FAM114A2: variants seen among roughly 807,000 people sequenced by gnomAD.
The protein encoded by FAM114A2 is family with sequence similarity 114 member A2, also known as protein FAM114A2.
In FAM114A2, 53 loss-of-function variants were observed where a neutral mutation model predicts 58.4. That is an observed-to-expected ratio of 0.91 (90% CI 0.73 to 1.14). FAM114A2 has a LOEUF of 1.14. Ranked by LOEUF, FAM114A2 falls within the 50% of genes most tolerant of loss-of-function variation. The probability of loss-of-function intolerance (pLI) is 0.00; values close to 1 mark genes in which losing one functional copy is unlikely to be tolerated. For synonymous variants in FAM114A2, 228 were observed against 211.4 expected (o/e 1.08, Z -0.68); for missense variants, 601 against 581.1 (o/e 1.03, Z -0.35).
chr5:154,028,312 CAAT>C (rs765355725), intron 5 of FAM114A2, 29 bp from the exon 6 acceptor site: 6 of 1,476,750 alleles, frequency 4.1e-6, no homozygotes, highest in Non-Finnish European at 5.5e-6. Context: ...CTCATTACAA[CAAT>C]ATTAAGAAAA....
chr5:154,027,052 G>A (rs774463024), intron 7 of FAM114A2, 124 bp downstream of exon 7: 38 of 701,818 alleles, frequency 5.4e-5, no homozygotes, highest in African/African-American at 2.5e-4. Flanking sequence ...GTAGTATTTC[G>A]AAGGCATCTC....
At chr5:154,016,127 T>C (rs6877625) in intron 8 of FAM114A2, among the ~76,000 whole-genome samples, 99,016 of 151,904 alleles carry the variant, frequency 0.65, 32,621 homozygotes, top group East Asian at 0.88. Context: ...TTATGTTAAA[T>C]GACCAAACCT....
At chr5:154,020,438 T>C (rs557516790) in intron 8 of FAM114A2, among the ~76,000 whole-genome samples, 1 of 151,844 alleles carries the variant, frequency 6.6e-6, no homozygotes, top group Non-Finnish European at 1.5e-5. Flanking sequence ...ATCAAATAGA[T>C]GCAATAAAAA....
intron 6 of FAM114A2, chr5:154,027,593 C>T (rs1581827544): frequency 7.1e-6 from 2 of 280,824 alleles, no homozygotes; most frequent in South Asian, 1.1e-4. Context: ...CTCTGCCTCT[C>T]GGGTTTAAGC....
intron 10 of FAM114A2, 43 bp from the exon 11 acceptor site, chr5:154,002,433 T>G: frequency 4.4e-6 from 7 of 1,599,834 alleles, no homozygotes; most frequent in Non-Finnish European, 6.0e-6. Context: ...ACAAAACATT[T>G]GGTGGAAAGA....
At chr5:154,006,201 T>C (rs1049251932) in intron 9 of FAM114A2, among the ~76,000 whole-genome samples, 2 of 152,230 alleles carry the variant, frequency 1.3e-5, no homozygotes, top group Non-Finnish European at 2.9e-5. Context: ...ATTTTACTCA[T>C]TCATTTATTG....
chr5:154,017,941 C>T (rs187838185), intron 8 of FAM114A2, among the ~76,000 whole-genome samples: 127 of 152,056 alleles, frequency 8.4e-4, no homozygotes, highest in African/African-American at 3.0e-3. Flanking sequence ...TTAAATAGGC[C>T]GAAACACCTA....
chr5:154,006,532 T>A (rs1770355989), intron 9 of FAM114A2, among the ~76,000 whole-genome samples: 1 of 152,080 alleles, frequency 6.6e-6, no homozygotes, highest in Non-Finnish European at 1.5e-5. Flanking sequence ...TAAGGAAGAA[T>A]ATAGAGGATG....
chr5:154,004,827 C>T (rs1333855439), intron 9 of FAM114A2, among the ~76,000 whole-genome samples: 1 of 152,152 alleles, frequency 6.6e-6, no homozygotes, highest in African/African-American at 2.4e-5. Context: ...TTCCAAAATG[C>T]TACCAGTGAT....
chr5:154,020,458 G>A (rs1035631334), intron 8 of FAM114A2, among the ~76,000 whole-genome samples: 6 of 152,056 alleles, frequency 3.9e-5, no homozygotes, highest in African/African-American at 1.4e-4. Context: ...AAATGATGAA[G>A]AGTATATCAC....
chr5:154,029,444 TATA>T (rs763155159), intron 5 of FAM114A2, 42 bp downstream of exon 5: 4 of 1,054,870 alleles, frequency 3.8e-6, no homozygotes, highest in East Asian at 4.8e-5. Context: ...GCAAACCCAT[TATA>T]ATAATGGAAA....
At position 153,990,747 on chromosome 5, in the gene FAM114A2, A is replaced by AT. The variant is rs1462391675; in HGVS notation, c.*2228dup. The AT allele has an allele frequency of 6.6e-6, 1 of 152,200 alleles. No individual in the cohort carries two copies. The highest frequency in any genetic ancestry group is 1.5e-5 in the Non-Finnish European group (1 of 68,024). The allele number at this position is 152,200 out of a possible 1,614,324, so 9.4% of individuals were successfully genotyped here. ...GGTTTTAAGTGAATTGGAAAGGCAT[A>AT]TATTAGTAATTAGTGGTAAATCTTA... is the stretch of plus-strand genomic sequence containing the variant. On this transcript the variant is annotated 3_prime_UTR_variant, in exon 14 of 14. Transcript: ENST00000351797.
intron 1 of FAM114A2, among the ~76,000 whole-genome samples, chr5:154,035,979 T>C (rs1772532757): frequency 1.3e-5 from 2 of 152,252 alleles, no homozygotes; most frequent in East Asian, 3.8e-4. Context: ...ATGCCATCTG[T>C]ATATCCTTGT....
chr5:154,019,093 C>CA lies in FAM114A2; in HGVS notation c.913+7305dup, dbSNP rs1230691123. 2.6e-5 allele frequency among the ~76,000 whole-genome samples: 4 copies of CA among 151,972 alleles called. No individual in the cohort carries two copies. The East Asian group carries it at 7.7e-4, about 29-fold the overall frequency. On this transcript the variant is annotated intron_variant, in intron 8 of 13. Coordinates refer to ENST00000351797, the MANE Select transcript of FAM114A2 (RefSeq NM_018691.4). ...AGAAAGAAATAAAGGGCATCCAAAT[C>CA]AAAAAAGAGGAAGTCAAACTAACTG...
chr5:153,997,818 G>A lies in FAM114A2; in HGVS notation c.1314C>T (p.Cys438=), dbSNP rs745513855. 40 of 1,584,212 alleles carry A rather than the reference G, an allele frequency of 2.5e-5. No individual in the cohort carries two copies. Among genetic ancestry groups the A allele is most frequent in the Middle Eastern group, 3.3e-4 (2 of 6,038 alleles). The part of the protein sequence containing the change: ...LSSLSKEFTT[C]LTTAGVKEMA... The stretch of plus-strand genomic sequence containing the variant: ...GGATTCTTACCCCAGCAGTTGTTAG[G>A]CAGGTAGTGAACTCTTTAGACAGAG... The change falls in exon 12 of 14, where the codon TGC becomes TGT. Residue 438 remains cysteine, a synonymous_variant. Coordinates refer to ENST00000351797, the MANE Select transcript of FAM114A2 (RefSeq NM_018691.4).
chr5:153,996,526 C>T (rs973314208), intron 12 of FAM114A2, among the ~76,000 whole-genome samples: 7 of 149,196 alleles, frequency 4.7e-5, no homozygotes, highest in Non-Finnish European at 7.4e-5. Flanking sequence ...TGGAGAAATA[C>T]GTTCCCATCA....
intron 8 of FAM114A2, among the ~76,000 whole-genome samples, chr5:154,018,895 AG>A (rs1182310313): frequency 1.3e-5 from 2 of 152,184 alleles, no homozygotes; most frequent in African/African-American, 4.8e-5. Flanking sequence ...TCAGCATACA[AG>A]GGACATATAC....
intron 8 of FAM114A2, among the ~76,000 whole-genome samples, chr5:154,017,801 C>T (rs190534526): frequency 2.8e-4 from 43 of 152,238 alleles, no homozygotes; most frequent in African/African-American, 1.0e-3. Flanking sequence ...GCAAATACAT[C>T]GAAATTAAAT....
At chr5:154,023,510 A>C (rs113505135) in intron 8 of FAM114A2, among the ~76,000 whole-genome samples, 3,653 of 152,256 alleles carry the variant, frequency 0.024, 95 homozygotes, top group African/African-American at 0.06. Flanking sequence ...GTTCTAAGTA[A>C]AGTAACTCAG....
Sources: gnomAD v4.1 joint callset for allele counts (sites outside exome capture counted in the v4.1 genomes callset) on GRCh38, gnomAD v4.1.1 for gene constraint, MANE v1.5 for transcripts, NCBI Gene and HGNC (gene_info 2026-07-23, HGNC 2026-07-21) for gene names.